The following SRPK1 variants were observed in gnomAD, a reference collection of about 807,000 sequenced individuals.
The protein encoded by SRPK1 is SRSF protein kinase 1, also known as SFRS protein kinase 1.
SRPK1 carries 52 observed loss-of-function variants against 89.5 expected under a neutral mutation model. The observed-to-expected ratio is 0.58, with a 90% CI of 0.46 to 0.73. The LOEUF is 0.73. Among genes scored for constraint, SRPK1 ranks in the 30% least tolerant of loss-of-function variants. The probability of loss-of-function intolerance (pLI) is 0.00; values close to 1 mark genes in which losing one functional copy is unlikely to be tolerated. For synonymous variants in SRPK1, 255 were observed against 270.2 expected (o/e 0.94, Z 0.55); for missense variants, 603 against 780.6 (o/e 0.77, Z 2.71).
intron 13 of SRPK1, among the ~76,000 whole-genome samples, chr6:35,850,556 A>C (rs990860119): frequency 1.3e-5 from 2 of 152,198 alleles, no homozygotes; most frequent in Non-Finnish European, 2.9e-5. Flanking sequence ...TCCAGCTTTA[A>C]AAGTAGAGTT....
In SRPK1 at chr6:35,872,603, T is replaced by C. The variant is rs762780190; in HGVS notation, c.711A>G (p.Glu237=). The change falls in exon 8 of 16, where the codon GAA becomes GAG. Residue 237 remains glutamate, a synonymous_variant. Coordinates refer to ENST00000373825, the MANE Select transcript of SRPK1 (RefSeq NM_003137.5). ...YIRRLAAEAT[E]WQRSGAPPPS... is the part of the protein sequence containing the mutation. Reference sequence around the variant, plus strand: ...GCGGAGGAGCTCCAGATCGCTGCCATTCTGTTGCTTCTGCAGCCAGCCTCC... The same window carrying C: ...GCGGAGGAGCTCCAGATCGCTGCCACTCTGTTGCTTCTGCAGCCAGCCTCC... 17 of 1,612,138 alleles carry C rather than the reference T, an allele frequency of 1.1e-5. No individual in the cohort carries two copies. The South Asian group carries it at 1.8e-4, about 17-fold the overall frequency.
chr6:35,901,729 A>G (rs1211325439), intron 2 of SRPK1, among the ~76,000 whole-genome samples: 1 of 152,170 alleles, frequency 6.6e-6, no homozygotes, highest in Non-Finnish European at 1.5e-5. Context: ...CCTACACACA[A>G]TGGAACTCAA....
intron 14 of SRPK1, among the ~76,000 whole-genome samples, chr6:35,839,518 T>C (rs1227937390): frequency 6.6e-6 from 1 of 152,088 alleles, no homozygotes; most frequent in African/African-American, 2.4e-5. Flanking sequence ...TGATGATCTG[T>C]AAACATCACA....
intron 13 of SRPK1, among the ~76,000 whole-genome samples, chr6:35,847,362 C>T (rs1769447464): frequency 1.3e-5 from 2 of 151,964 alleles, no homozygotes; most frequent in African/African-American, 4.8e-5. Flanking sequence ...TGTGCCACCA[C>T]ATCTGGCTAA....
At chr6:35,888,965 A>C in intron 3 of SRPK1, 42 bp from the exon 4 acceptor site, 7 of 1,365,332 alleles carry the variant, frequency 5.1e-6, no homozygotes, top group Non-Finnish European at 7.3e-6. Context: ...AACCAGGATG[A>C]GAAACAATGG....
chr6:35,887,779 C>T (rs1042365528), intron 5 of SRPK1: 6 of 333,090 alleles, frequency 1.8e-5, no homozygotes, highest in Non-Finnish European at 3.2e-5. Flanking sequence ...TATTTTTATT[C>T]ATTTGAAAGG....
intron 13 of SRPK1, among the ~76,000 whole-genome samples, chr6:35,852,914 T>C (rs1293651293): frequency 6.6e-6 from 1 of 152,086 alleles, no homozygotes; most frequent in African/African-American, 2.4e-5. Context: ...ATTGAAAATA[T>C]TCAGAAACAG....
At chr6:35,879,264 G>C (rs1209845683) in intron 6 of SRPK1, among the ~76,000 whole-genome samples, 1 of 151,576 alleles carries the variant, frequency 6.6e-6, no homozygotes, top group Non-Finnish European at 1.5e-5. Context: ...AAACAAAACA[G>C]AGCCAGGTAC....
chr6:35,853,672 C>T (rs1357945531), intron 13 of SRPK1, among the ~76,000 whole-genome samples: 3 of 152,192 alleles, frequency 2.0e-5, no homozygotes, highest in Non-Finnish European at 4.4e-5. Context: ...CCTACAAATC[C>T]TGCCCTGAAT....
chr6:35,838,462 A>G (rs768375499), intron 14 of SRPK1, 33 bp from the exon 15 acceptor site: 42 of 1,530,046 alleles, frequency 2.7e-5, no homozygotes, highest in East Asian at 4.6e-5. Flanking sequence ...GAGGGGGGAA[A>G]AAAAAGATCC....
chr6:35,869,545 G>A lies in SRPK1; in HGVS notation c.1348C>T (p.Arg450Trp), dbSNP rs764159064. The part of the protein sequence containing the change: ...QHISQLQESI[R>W]AEIPCEDEQE... ...TCATCTTCACAGGGTATCTCTGCCC[G>A]AATGCTTTCTTGAAGTTGGCTAATG... Residue 450 changes from arginine (R) to tryptophan (W), a missense_variant, in exon 11 of 16, where the codon CGG (arginine) becomes TGG (tryptophan). Arg to Trp is a moderately radical substitution (Grantham distance 101). Coordinates refer to ENST00000373825, the MANE Select transcript of SRPK1 (RefSeq NM_003137.5). 2.5e-5 allele frequency: 40 copies of A among 1,613,804 alleles called. No homozygotes were observed. The highest frequency in any genetic ancestry group is 3.3e-5 in the Non-Finnish European group (39 of 1,179,876).
At chr6:35,849,132 T>C (rs1173959478) in intron 13 of SRPK1, among the ~76,000 whole-genome samples, 9 of 152,006 alleles carry the variant, frequency 5.9e-5, no homozygotes, top group African/African-American at 1.7e-4. Flanking sequence ...CTCAACTCAA[T>C]AGCAAGAAAA....
At chr6:35,867,967 ATCTTT>A (rs1257770986) in intron 12 of SRPK1, among the ~76,000 whole-genome samples, 1 of 152,108 alleles carries the variant, frequency 6.6e-6, no homozygotes, top group Non-Finnish European at 1.5e-5. Context: ...TAACTGATGT[ATCTTT>A]TCTTTTCTTT....
chr6:35,906,609 C>T (rs2127266271), intron 2 of SRPK1, among the ~76,000 whole-genome samples: 1 of 152,236 alleles, frequency 6.6e-6, no homozygotes, highest in African/African-American at 2.4e-5. Flanking sequence ...ACAGGAAATT[C>T]CATAGGCACA....
intron 12 of SRPK1, among the ~76,000 whole-genome samples, chr6:35,860,260 G>A (rs1269709362): frequency 6.6e-6 from 1 of 152,138 alleles, no homozygotes; most frequent in Non-Finnish European, 1.5e-5. Context: ...TAAGAGGTGA[G>A]ACCTTTTAGC....
Position 35,888,809 on chromosome 6 carries a change from A to G in SRPK1, c.302+6T>C, listed in dbSNP as rs1463804639. 1.3e-6 allele frequency: 2 copies of G among 1,580,918 alleles called. No homozygotes were observed. Among genetic ancestry groups the G allele is most frequent in the Non-Finnish European group, 1.7e-6 (2 of 1,150,328 alleles). ...CTAATTCTTTTACAGAACCACTAAA[A>G]CTTACTGAATATCCCATGATAACCA... On this transcript the variant is annotated splice_donor_region_variant and intron_variant, in intron 4 of 15. Transcript: ENST00000373825.
Position 35,869,104 on chromosome 6 carries a change from G to T in SRPK1, c.1418C>A (p.Ser473Tyr). Residue 473 changes from serine (S) to tyrosine (Y), a missense_variant, in exon 12 of 16, where the codon TCC (serine) becomes TAC (tyrosine). Transcript: ENST00000373825. Reference protein sequence around the residue: ...HNGPLDNKGKSTAGNFLVNPL... With the variant: ...HNGPLDNKGKYTAGNFLVNPL... ...ATTAACAAGAAAATTTCCAGCCGTG[G>T]ATTTTCCTACAGACAACAGGCATCA... The T allele has an allele frequency of 6.2e-7, 1 of 1,613,010 alleles. No individual in the cohort carries two copies. The highest frequency in any genetic ancestry group is 8.5e-7 in the Non-Finnish European group (1 of 1,179,428).
intron 2 of SRPK1, among the ~76,000 whole-genome samples, chr6:35,911,087 C>T (rs556180961): frequency 3.9e-5 from 6 of 152,250 alleles, no homozygotes; most frequent in Non-Finnish European, 8.8e-5. Flanking sequence ...TTAAGAAATA[C>T]ATTTGATAAG....
intron 6 of SRPK1, among the ~76,000 whole-genome samples, chr6:35,884,437 G>GA (rs916764126): frequency 6.6e-6 from 1 of 152,180 alleles, no homozygotes; most frequent in African/African-American, 2.4e-5. Flanking sequence ...ACATACACAC[G>GA]AATGTGGATG....
Sources: gnomAD v4.1 joint callset for allele counts (sites outside exome capture counted in the v4.1 genomes callset) on GRCh38, gnomAD v4.1.1 for gene constraint, MANE v1.5 for transcripts, NCBI Gene and HGNC (gene_info 2026-07-23, HGNC 2026-07-21) for gene names.